NT5M: variants seen among roughly 807,000 people sequenced by gnomAD.
The protein encoded by NT5M is 5',3'-nucleotidase, mitochondrial, also known as 5'(3')-deoxyribonucleotidase, mitochondrial.
In NT5M, 22 loss-of-function variants were observed where a neutral mutation model predicts 22.2. That is an observed-to-expected ratio of 0.99 (90% CI 0.71 to 1.41). The LOEUF is 1.41. Among genes scored for constraint, NT5M ranks in the 40% most tolerant of loss-of-function variants. The probability of loss-of-function intolerance (pLI) is 0.00; values close to 1 mark genes in which losing one functional copy is unlikely to be tolerated. For missense variants in NT5M, 322 were observed against 314.8 expected (o/e 1.02, Z -0.17); for synonymous variants, 167 against 133.0 (o/e 1.26, Z -1.76).
Position 17,337,874 on chromosome 17 carries a change from G to C in NT5M, c.430-6920G>C, listed in dbSNP as rs2049550014. On this transcript the variant is annotated intron_variant, in intron 3 of 4. Transcript: ENST00000389022. ...GGATTGTCTCTTCACTTTGTTGACTGTATCCTTTGCTGTGCAGAAGCTTTT... is the reference window on the plus strand; with the variant it reads ...GGATTGTCTCTTCACTTTGTTGACTCTATCCTTTGCTGTGCAGAAGCTTTT... Among the ~76,000 whole-genome samples, 5 of 152,172 alleles carry C rather than the reference G, an allele frequency of 3.3e-5. No individual in the cohort carries two copies. In the South Asian group the frequency reaches 1.0e-3, roughly 32 times the overall value.
intron 3 of NT5M, among the ~76,000 whole-genome samples, chr17:17,333,124 A>G (rs2049422729): frequency 6.6e-6 from 1 of 152,120 alleles, no homozygotes. Flanking sequence ...ACATGTTTTT[A>G]AGCAAGTAAC....
At chr17:17,334,670 T>G (rs909360573) in intron 3 of NT5M, among the ~76,000 whole-genome samples, 3 of 151,912 alleles carry the variant, frequency 2.0e-5, no homozygotes, top group East Asian at 2.0e-4. Context: ...GAGACGGGGT[T>G]TCACCATGTT....
chr17:17,303,486 G>T lies in NT5M; in HGVS notation c.-65G>T. The T allele has an allele frequency of 9.8e-7, 1 of 1,017,892 alleles. No homozygotes were observed. Among genetic ancestry groups the T allele is most frequent in the South Asian group, 4.5e-5 (1 of 22,248 alleles). 63.1% of individuals were successfully genotyped at this position (1,017,892 alleles called of 1,614,324 possible). A position where few individuals can be genotyped will look rare whatever the true frequency, so the allele number is the denominator to read the frequency against. On this transcript the variant is annotated 5_prime_UTR_variant, in exon 1 of 5. Coordinates refer to ENST00000389022, the MANE Select transcript of NT5M (RefSeq NM_020201.4). Reference sequence around the variant, plus strand: ...CTTCTCCTCCGCGGCGGGAATGTCTGGCCGGCTCCGGCAGCACGGCGCGGC... The same window carrying T: ...CTTCTCCTCCGCGGCGGGAATGTCTTGCCGGCTCCGGCAGCACGGCGCGGC...
intron 2 of NT5M, among the ~76,000 whole-genome samples, chr17:17,319,549 A>T (rs1437589269): frequency 6.6e-6 from 1 of 152,214 alleles, no homozygotes; most frequent in Non-Finnish European, 1.5e-5. Context: ...CACACTGTTG[A>T]TACATTTATT....
chr17:17,319,718 G>A (rs922623639), intron 2 of NT5M, among the ~76,000 whole-genome samples: 5 of 106,036 alleles, frequency 4.7e-5, no homozygotes, highest in African/African-American at 1.4e-4. Context: ...CCCAGGGGCA[G>A]GGAGGGACGG....
intron 2 of NT5M, among the ~76,000 whole-genome samples, chr17:17,317,268 C>G (rs540967583): frequency 4.6e-5 from 7 of 151,912 alleles, no homozygotes; most frequent in African/African-American, 1.7e-4. Context: ...CCAGGTTAGT[C>G]TCGATCTCCT....
rs558099122 is a variant in NT5M at position 17,324,907 on chromosome 17, A to G, written c.429+1662A>G. Among the ~76,000 whole-genome samples, 13 of 152,322 alleles carry G rather than the reference A, an allele frequency of 8.5e-5. No homozygotes were observed. In the South Asian group the frequency reaches 2.5e-3, roughly 29 times the overall value. ...TCACTTATACTTAGGAGAGAGGAGT[A>G]TCTTACCTGCAGCCAGTAAATGTGG... On this transcript the variant is annotated intron_variant, in intron 3 of 4. Coordinates refer to ENST00000389022, the MANE Select transcript of NT5M (RefSeq NM_020201.4).
rs1049743035 is a variant in NT5M, at chr17:17,317,211, C to T, written c.369-5974C>T. The stretch of plus-strand genomic sequence containing the variant: ...ACTACAGGTGCCTGCCACCATGCCC[C>T]GCTAATTTTTTGTATTTTTAGTAGA... On this transcript the variant is annotated intron_variant, in intron 2 of 4. Transcript: ENST00000389022. Among the ~76,000 whole-genome samples, 9 of 150,846 alleles carry T rather than the reference C, an allele frequency of 6.0e-5. No homozygotes were observed. In the East Asian group the frequency reaches 9.8e-4, roughly 16 times the overall value.
Position 17,346,789 on chromosome 17 carries a change from G to A in NT5M, c.545-16G>A, listed in dbSNP as rs754203195. ...GGTCTCCACTGCTGAGCTGAATGCC[G>A]CTTTCCCACCCACAGGGGCCGAGCC... On this transcript the variant is annotated splice_polypyrimidine_tract_variant and intron_variant, in intron 4 of 4. Transcript: ENST00000389022. 10 of 1,605,498 alleles carry A rather than the reference G, an allele frequency of 6.2e-6. No homozygotes were observed. The highest frequency in any genetic ancestry group is 2.2e-5 in the East Asian group (1 of 44,896).
chr17:17,325,548 A>C (rs2049248062), intron 3 of NT5M, among the ~76,000 whole-genome samples: 1 of 152,066 alleles, frequency 6.6e-6, no homozygotes, highest in African/African-American at 2.4e-5. Flanking sequence ...CTTGGCATTT[A>C]CTGCCAGTAC....
intron 3 of NT5M, among the ~76,000 whole-genome samples, chr17:17,324,094 C>G (rs1050807897): frequency 4.0e-5 from 6 of 151,492 alleles, no homozygotes; most frequent in Admixed American, 3.9e-4. Flanking sequence ...AGGCTGGTCT[C>G]GAACTCCTGA....
At chr17:17,309,677 T>G (rs990360367) in intron 2 of NT5M, among the ~76,000 whole-genome samples, 7 of 6,078 alleles carry the variant, frequency 1.2e-3, no homozygotes, top group Non-Finnish European at 2.0e-3. Flanking sequence ...TCAAGCATCT[T>G]TTTTTTTTTT....
In NT5M at chr17:17,346,955, T is replaced by G. The variant is rs1407137948; in HGVS notation, c.*8T>G. 1 of 1,610,476 alleles carries G rather than the reference T, an allele frequency of 6.2e-7. No individual in the cohort carries two copies. On this transcript the variant is annotated 3_prime_UTR_variant, in exon 5 of 5. Coordinates refer to ENST00000389022, the MANE Select transcript of NT5M (RefSeq NM_020201.4). ...AGCAAGCGGCCCTGCTGAGCTGGACTGTGCTTCGGGCTCCTCTGTGGGGCT... is the reference window on the plus strand; with the variant it reads ...AGCAAGCGGCCCTGCTGAGCTGGACGGTGCTTCGGGCTCCTCTGTGGGGCT...
At chr17:17,315,841 G>A (rs903524045) in intron 2 of NT5M, among the ~76,000 whole-genome samples, 4 of 131,752 alleles carry the variant, frequency 3.0e-5, no homozygotes, top group Non-Finnish European at 6.2e-5. Flanking sequence ...TGCAAGCTCC[G>A]CCTCCCGGGT....
rs534375749 is a variant in NT5M, at chr17:17,324,078, T to C, written c.429+833T>C. On this transcript the variant is annotated intron_variant, in intron 3 of 4. Transcript: ENST00000389022. ...TTAGTAGAGACGGGGTTTTGCCATG[T>C]TGGCCAGGCTGGTCTCGAACTCCTG... 2.0e-5 allele frequency among the ~76,000 whole-genome samples: 3 copies of C among 152,014 alleles called. No individual in the cohort carries two copies. In the East Asian group the frequency reaches 5.9e-4, roughly 30 times the overall value.
chr17:17,333,178 C>T (rs1297608860), intron 3 of NT5M, among the ~76,000 whole-genome samples: 2 of 152,168 alleles, frequency 1.3e-5, no homozygotes, highest in East Asian at 1.9e-4. Context: ...TCTTTTGCCT[C>T]GTTTCTCATT....
intron 2 of NT5M, among the ~76,000 whole-genome samples, chr17:17,319,645 A>G (rs1182920912): frequency 6.6e-6 from 1 of 152,206 alleles, no homozygotes; most frequent in East Asian, 1.9e-4. Flanking sequence ...TCTTTTATGT[A>G]ACATTCTAGA....
chr17:17,342,959 C>T (rs2049677211), intron 3 of NT5M, among the ~76,000 whole-genome samples: 1 of 152,200 alleles, frequency 6.6e-6, no homozygotes, highest in Non-Finnish European at 1.5e-5. Context: ...GAAAGTTTGG[C>T]TACTTGGAAT....
intron 1 of NT5M, among the ~76,000 whole-genome samples, chr17:17,306,251 T>G (rs961639421): frequency 6.6e-6 from 1 of 152,210 alleles, no homozygotes; most frequent in African/African-American, 2.4e-5. Flanking sequence ...AAGCACGCAG[T>G]TCCTGATGAT....
Sources: allele counts gnomAD v4.1 joint callset (sites outside exome capture counted in the v4.1 genomes callset), GRCh38; gene constraint gnomAD v4.1.1; transcripts MANE v1.5; gene names NCBI Gene and HGNC (gene_info 2026-07-23, HGNC 2026-07-21).